The following TMEM41A variants were observed in gnomAD, a reference collection of about 807,000 sequenced individuals.
TMEM41A encodes transmembrane protein 41A.
TMEM41A carries 20 observed loss-of-function variants against 25.7 expected under a neutral mutation model. The ratio of observed to expected loss-of-function variants is 0.78; its 90% CI spans 0.55 to 1.13. The LOEUF (loss-of-function observed/expected upper bound fraction) is 1.13, where lower values mean the gene tolerates loss of function less well. Among genes scored for constraint, TMEM41A ranks in the 50% most tolerant of loss-of-function variants. TMEM41A has a pLI of 0.00. For synonymous variants in TMEM41A, 133 were observed against 139.6 expected (o/e 0.95, Z 0.33); for missense variants, 299 against 314.3 (o/e 0.95, Z 0.37).
chr3:185,498,512 T>TG, intron 1 of TMEM41A: 1 of 254,582 alleles, frequency 3.9e-6, no homozygotes, highest in Non-Finnish European at 7.5e-6. Flanking sequence ...GGGCTGGGAC[T>TG]GGGAAAGCAA....
intron 3 of TMEM41A, 118 bp from the exon 4 acceptor site, chr3:185,494,879 C>G: frequency 7.8e-7 from 1 of 1,274,618 alleles, no homozygotes; most frequent in Non-Finnish European, 1.1e-6. Flanking sequence ...ATTCTTCCAA[C>G]AACCCTCCAG....
intron 1 of TMEM41A, 110 bp from the exon 2 acceptor site, chr3:185,497,091 T>A: frequency 7.5e-7 from 1 of 1,339,782 alleles, no homozygotes; most frequent in Middle Eastern, 2.6e-4. Flanking sequence ...ATGCCCATCA[T>A]CTGATCTGCT....
intron 2 of TMEM41A, 99 bp from the exon 3 acceptor site, chr3:185,495,414 C>T (rs1452624167): frequency 4.3e-5 from 51 of 1,185,796 alleles, no homozygotes; most frequent in Middle Eastern, 2.8e-4. Context: ...TCCTTCACTG[C>T]TTTTTTCCAG....
intron 2 of TMEM41A, 27 bp from the exon 3 acceptor site, chr3:185,495,342 T>C: frequency 6.2e-7 from 1 of 1,604,062 alleles, no homozygotes; most frequent in Non-Finnish European, 8.5e-7. Context: ...CCCTCAGGCA[T>C]GTGAACATCT....
At chr3:185,492,065 GGAGGCC>G (rs1172973206) in intron 4 of TMEM41A, among the ~76,000 whole-genome samples, 14 of 152,150 alleles carry the variant, frequency 9.2e-5, no homozygotes, top group African/African-American at 3.4e-4. Flanking sequence ...CAGCACTTTG[GGAGGCC>G]GAGGTGGATC....
At chr3:185,495,630 T>TG in intron 2 of TMEM41A, 1 of 316,662 alleles carries the variant, frequency 3.2e-6, no homozygotes, top group Non-Finnish European at 6.0e-6. Flanking sequence ...TTTGTGGAGA[T>TG]GGGGTCTCAC....
intron 1 of TMEM41A, 77 bp from the exon 2 acceptor site, chr3:185,497,058 C>T (rs999449041): frequency 6.7e-7 from 1 of 1,496,564 alleles, no homozygotes; most frequent in Non-Finnish European, 9.0e-7. Context: ...GCTGTGTCTT[C>T]TTTTCAGAGT....
At position 185,498,882 on chromosome 3, in the gene TMEM41A, C is replaced by A. The variant is rs777479582; in HGVS notation, c.80G>T (p.Arg27Leu). 3.7e-6 allele frequency: 6 copies of A among 1,605,936 alleles called. No homozygotes were observed. Among genetic ancestry groups the A allele is most frequent in the Non-Finnish European group, 5.1e-6 (6 of 1,177,058 alleles). ...CTCGGTGGAGCCCAGTCTCCGCCCG[C>A]GGGGCAGTCGCGTCGACAGCAAGTA... is the stretch of plus-strand genomic sequence containing the variant. Reference protein sequence around the residue: ...ALYLLSTRLPRGRRLGSTEEA... With the variant: ...ALYLLSTRLPLGRRLGSTEEA... Residue 27 changes from arginine (R) to leucine (L), a missense_variant, in exon 1 of 5, where the codon CGC becomes CTC. Arg to Leu is a moderately radical substitution (Grantham distance 102). Transcript: ENST00000421852.
intron 4 of TMEM41A, chr3:185,494,364 C>T (rs1719038190): frequency 2.6e-6 from 1 of 381,414 alleles, no homozygotes; most frequent in Admixed American, 4.6e-5. Flanking sequence ...CAGACCATCT[C>T]TTCTAATCCC....
At chr3:185,496,202 A>C (rs1465823557) in intron 2 of TMEM41A, 1 of 154,118 alleles carries the variant, frequency 6.5e-6, no homozygotes, top group African/African-American at 2.4e-5. Context: ...TCCAAGAGAG[A>C]AAGTAAAAGG....
Position 185,498,954 on chromosome 3 carries a change from G to A in TMEM41A, c.8C>T (p.Pro3Leu), listed in dbSNP as rs752219515. MRPLLGLLLVFAG... is the reference protein window; with the variant it reads MRLLLGLLLVFAG... ...GAAGACCAGAAGGAGGCCGAGAAGC[G>A]GGCGCATGTCGGCTCCGCACCCCGG... is the stretch of plus-strand genomic sequence containing the variant. The change falls in exon 1 of 5, where the codon CCG becomes CTG. Residue 3 changes from proline to leucine, a missense_variant. Pro to Leu is a moderately conservative substitution (Grantham distance 98). Coordinates refer to ENST00000421852, the MANE Select transcript of TMEM41A (RefSeq NM_080652.4). 114 of 1,600,254 alleles carry A rather than the reference G, an allele frequency of 7.1e-5. 1 individual carries two copies. Among genetic ancestry groups the A allele is most frequent in the Admixed American group, 6.0e-4 (35 of 58,458 alleles).
intron 4 of TMEM41A, chr3:185,494,361 T>C: frequency 5.5e-6 from 2 of 366,544 alleles, no homozygotes; most frequent in Non-Finnish European, 9.6e-6. Flanking sequence ...ACACAGACCA[T>C]CTCTTCTAAT....
Position 185,491,711 on chromosome 3 carries a change from C to T in TMEM41A, c.621G>A (p.Leu207=), listed in dbSNP as rs1358012589. Residue 207 remains leucine (L), a synonymous_variant, in exon 5 of 5, where the codon CTG becomes CTA. Coordinates refer to ENST00000421852, the MANE Select transcript of TMEM41A (RefSeq NM_080652.4). ...NFICVQTGSI[L]STLTSLDALF... is the part of the protein sequence containing the mutation. ...GAGCATCCAGAGAGGTTAGGGTTGA[C>T]AGGATGGACCCTGTCTGCACACAGA... 1.2e-6 allele frequency: 2 copies of T among 1,614,192 alleles called. No homozygotes were observed. Among genetic ancestry groups the T allele is most frequent in the Non-Finnish European group, 1.7e-6 (2 of 1,180,024 alleles).
intron 1 of TMEM41A, chr3:185,498,545 G>A (rs1577653761): frequency 3.3e-6 from 1 of 299,120 alleles, no homozygotes; most frequent in East Asian, 7.0e-5. Flanking sequence ...GCTCAGCGCC[G>A]CGTCTCCCTC....
rs35232925 is a variant in TMEM41A, at chr3:185,490,995, C to CTTTTTTTT, written c.*534_*541dup. 7.9e-6 allele frequency: 1 copy of CTTTTTTTT among 125,802 alleles called. No individual in the cohort carries two copies. Among genetic ancestry groups the CTTTTTTTT allele is most frequent in the Non-Finnish European group, 1.6e-5 (1 of 62,136 alleles). The allele number at this position is 125,802 out of a possible 1,614,324, so 7.8% of individuals were successfully genotyped here. On this transcript the variant is annotated 3_prime_UTR_variant, in exon 5 of 5. Coordinates refer to ENST00000421852, the MANE Select transcript of TMEM41A (RefSeq NM_080652.4). ...TACAAACAGCATTTTCTTTTTTTCT[C>CTTTTTTTT]TTTTTTTTTTTTTTTTTGTCAAGAC...
Position 185,499,012 on chromosome 3 carries a change from C to G in TMEM41A, c.-51G>C, listed in dbSNP as rs1327941549. The G allele has an allele frequency of 3.3e-6, 5 of 1,500,272 alleles. No homozygotes were observed. The African/African-American group carries it at 5.6e-5, about 17-fold the overall frequency. 92.9% of individuals were successfully genotyped at this position (1,500,272 alleles called of 1,614,324 possible). A position where few individuals can be genotyped will look rare whatever the true frequency, so the allele number is the denominator to read the frequency against. On this transcript the variant is annotated 5_prime_UTR_variant, in exon 1 of 5. Coordinates refer to ENST00000421852, the MANE Select transcript of TMEM41A (RefSeq NM_080652.4). Reference sequence around the variant, plus strand: ...GGCAGCCGAGAAGCTCACTTGCACTCCGGGACGCAGCGGCGGGCGGACTGA... The same window carrying G: ...GGCAGCCGAGAAGCTCACTTGCACTGCGGGACGCAGCGGCGGGCGGACTGA...
At chr3:185,494,528 T>C in intron 4 of TMEM41A, 95 bp downstream of exon 4, 2 of 1,344,762 alleles carry the variant, frequency 1.5e-6, no homozygotes, top group Non-Finnish European at 2.0e-6. Flanking sequence ...GCCTGTGTTC[T>C]CAGAAGCAGG....
rs1487784378 is a variant in TMEM41A at position 185,498,998 on chromosome 3, A to G, written c.-37T>C. ...ACCCCGGCCCGCGGGGCAGCCGAGAAGCTCACTTGCACTCCGGGACGCAGC... is the reference window on the plus strand; with the variant it reads ...ACCCCGGCCCGCGGGGCAGCCGAGAGGCTCACTTGCACTCCGGGACGCAGC... On this transcript the variant is annotated 5_prime_UTR_variant, in exon 1 of 5. Coordinates refer to ENST00000421852, the MANE Select transcript of TMEM41A (RefSeq NM_080652.4). The G allele has an allele frequency of 7.1e-6, 11 of 1,552,110 alleles. No individual in the cohort carries two copies. The highest frequency in any genetic ancestry group is 1.9e-4 in the Middle Eastern group (1 of 5,360).
chr3:185,498,879 C>T lies in TMEM41A; in HGVS notation c.83G>A (p.Gly28Glu), dbSNP rs547823271. ...LYLLSTRLPRGRRLGSTEEAG... is the reference protein window; with the variant it reads ...LYLLSTRLPRERRLGSTEEAG... Reference sequence around the variant, plus strand: ...CTCCTCGGTGGAGCCCAGTCTCCGCCCGCGGGGCAGTCGCGTCGACAGCAA... The same window carrying T: ...CTCCTCGGTGGAGCCCAGTCTCCGCTCGCGGGGCAGTCGCGTCGACAGCAA... The change falls in exon 1 of 5, where the codon GGG becomes GAG. Residue 28 changes from glycine to glutamate, a missense_variant. Physicochemically the swap from Gly to Glu is moderately conservative, Grantham distance 98. Transcript: ENST00000421852. The T allele has an allele frequency of 7.5e-6, 12 of 1,606,490 alleles. 1 individual carries two copies. Among genetic ancestry groups the T allele is most frequent in the Middle Eastern group, 1.7e-4 (1 of 6,022 alleles).
Sources: gnomAD v4.1 joint callset for allele counts (sites outside exome capture counted in the v4.1 genomes callset) on GRCh38, gnomAD v4.1.1 for gene constraint, MANE v1.5 for transcripts, NCBI Gene and HGNC (gene_info 2026-07-23, HGNC 2026-07-21) for gene names.